RFC3: variants seen among roughly 807,000 people sequenced by gnomAD.
RFC3 encodes the protein A1 38 kDa subunit.
A neutral mutation model predicts 45.1 loss-of-function variants in RFC3; 41 were observed. That is an observed-to-expected ratio of 0.91 (90% CI 0.71 to 1.18). RFC3 has a LOEUF of 1.18. RFC3 is among the 50% of genes most tolerant of loss of function. The pLI is 0.00. For missense variants in RFC3, 423 were observed against 428.1 expected (o/e 0.99, Z 0.10); for synonymous variants, 149 against 144.0 (o/e 1.03, Z -0.25).
At chr13:33,927,488 T>A (rs887931821) in intron 8 of RFC3, among the ~76,000 whole-genome samples, 3 of 152,120 alleles carry the variant, frequency 2.0e-5, no homozygotes, top group Non-Finnish European at 4.4e-5. Context: ...GGAAGGGGCT[T>A]GCACAACAGT....
chr13:33,898,369 C>T (rs931528306), intron 8 of RFC3, among the ~76,000 whole-genome samples: 1 of 151,844 alleles, frequency 6.6e-6, no homozygotes, highest in African/African-American at 2.4e-5. Context: ...GGAAACTACA[C>T]AAACATGTGT....
chr13:33,953,074 G>T (rs188581421), intron 8 of RFC3, among the ~76,000 whole-genome samples: 1 of 152,150 alleles, frequency 6.6e-6, no homozygotes, highest in African/African-American at 2.4e-5. Context: ...ACATTGAAAA[G>T]AAAAAGTTTA....
chr13:33,920,218 AC>A (rs1228214979), intron 8 of RFC3, among the ~76,000 whole-genome samples: 2 of 152,122 alleles, frequency 1.3e-5, no homozygotes, highest in African/African-American at 2.4e-5. Context: ...GACAAGCCTG[AC>A]CTGGAAAGAG....
intron 8 of RFC3, among the ~76,000 whole-genome samples, chr13:33,908,005 A>G (rs957970451): frequency 6.6e-6 from 1 of 151,992 alleles, no homozygotes; most frequent in African/African-American, 2.4e-5. Flanking sequence ...TGTAATAGAA[A>G]GTCTTCAATG....
At chr13:33,872,433 T>C (rs1163679685) in intron 8 of RFC3, among the ~76,000 whole-genome samples, 1 of 152,186 alleles carries the variant, frequency 6.6e-6, no homozygotes, top group Non-Finnish European at 1.5e-5. Context: ...TTTGGCATTA[T>C]ATTTTATTAA....
rs1201981652 is a variant in RFC3 at position 33,823,967 on chromosome 13, C to T, written c.276C>T (p.His92=). ...TTAGCACCATTGCAAGTAACTACCA[C>T]CTTGAAGTTAATCCTAGGTAAGTTA... is the stretch of plus-strand genomic sequence containing the variant. ...IEISTIASNY[H]LEVNPSDAGN... Residue 92 remains histidine, a synonymous_variant, in exon 3 of 9, where the codon CAC becomes CAT. Transcript: ENST00000380071. 9 of 1,553,338 alleles carry T rather than the reference C, an allele frequency of 5.8e-6. No individual in the cohort carries two copies. Among genetic ancestry groups the T allele is most frequent in the Non-Finnish European group, 7.9e-6 (9 of 1,132,690 alleles).
intron 8 of RFC3, among the ~76,000 whole-genome samples, chr13:33,871,708 CAA>C (rs2082411071): frequency 6.6e-6 from 1 of 152,096 alleles, no homozygotes; most frequent in Admixed American, 6.6e-5. Flanking sequence ...TGAAAACAAA[CAA>C]TATAGAAGGC....
intron 8 of RFC3, among the ~76,000 whole-genome samples, chr13:33,955,979 T>C (rs1182334022): frequency 6.6e-6 from 1 of 152,220 alleles, no homozygotes; most frequent in Non-Finnish European, 1.5e-5. Context: ...TATAAATAAA[T>C]TATAGCATTC....
At chr13:33,869,650 T>C (rs1325403618) in intron 8 of RFC3, among the ~76,000 whole-genome samples, 1 of 152,180 alleles carries the variant, frequency 6.6e-6, no homozygotes, top group Non-Finnish European at 1.5e-5. Context: ...CTAGTTTTGC[T>C]ACTGGATGGG....
At chr13:33,927,142 G>A (rs529088970) in intron 8 of RFC3, among the ~76,000 whole-genome samples, 2 of 151,922 alleles carry the variant, frequency 1.3e-5, no homozygotes, top group Non-Finnish European at 2.9e-5. Flanking sequence ...GAAAAAGATC[G>A]GGAGTGGCGT....
At chr13:33,942,549 A>G (rs575006727) in intron 8 of RFC3, among the ~76,000 whole-genome samples, 5 of 152,270 alleles carry the variant, frequency 3.3e-5, no homozygotes, top group Non-Finnish European at 7.4e-5. Flanking sequence ...GGGCTCATCC[A>G]TATTTCACAT....
At chr13:33,826,129 C>G (rs1159973910) in intron 4 of RFC3, among the ~76,000 whole-genome samples, 1 of 152,032 alleles carries the variant, frequency 6.6e-6, no homozygotes, top group Non-Finnish European at 1.5e-5. Context: ...AATAATTGTT[C>G]TTATGACCGA....
chr13:33,862,726 CTGTGTCTTAAA>C (rs1255514787), intron 8 of RFC3, among the ~76,000 whole-genome samples: 1 of 152,032 alleles, frequency 6.6e-6, no homozygotes, highest in East Asian at 1.9e-4. Context: ...TCTTCTATAG[CTGTGTCTTAAA>C]TTTTCAAGTA....
intron 8 of RFC3, among the ~76,000 whole-genome samples, chr13:33,917,868 A>G (rs1291843178): frequency 2.0e-5 from 3 of 152,062 alleles, no homozygotes; most frequent in Non-Finnish European, 4.4e-5. Flanking sequence ...AAAAAAACAA[A>G]CAAACAGGAA....
chr13:33,950,018 G>A (rs1265937733), intron 8 of RFC3, among the ~76,000 whole-genome samples: 7 of 151,458 alleles, frequency 4.6e-5, no homozygotes, highest in Non-Finnish European at 1.0e-4. Context: ...CGTGGGACTT[G>A]CCTGTCTCTC....
intron 8 of RFC3, among the ~76,000 whole-genome samples, chr13:33,851,009 C>T (rs2082273195): frequency 6.6e-6 from 1 of 152,030 alleles, no homozygotes; most frequent in South Asian, 2.1e-4. Flanking sequence ...TTACTAATTG[C>T]CTGATTCAGC....
chr13:33,968,137 C>CT (rs1022645936), downstream of RFC3, among the ~76,000 whole-genome samples: 1 of 151,848 alleles, frequency 6.6e-6, no homozygotes, highest in Non-Finnish European at 1.5e-5. Context: ...GCATTTACTC[C>CT]TTTTTTTTGA....
downstream of RFC3, among the ~76,000 whole-genome samples, chr13:33,967,613 A>G (rs2083094394): frequency 6.8e-6 from 1 of 148,042 alleles, no homozygotes; most frequent in African/African-American, 2.5e-5. Flanking sequence ...TCAGCCACCC[A>G]AGTAGCTGGG....
intron 8 of RFC3, among the ~76,000 whole-genome samples, chr13:33,852,282 A>G (rs1159738086): frequency 6.6e-6 from 1 of 152,140 alleles, no homozygotes; most frequent in African/African-American, 2.4e-5. Context: ...CTCATCTTTG[A>G]GAAGAATCAG....
Sources: allele counts gnomAD v4.1 joint callset (sites outside exome capture counted in the v4.1 genomes callset), GRCh38; gene constraint gnomAD v4.1.1; transcripts MANE v1.5; gene names NCBI Gene and HGNC (gene_info 2026-07-23, HGNC 2026-07-21).